NPAS3: variants seen among roughly 807,000 people sequenced by gnomAD.
The protein encoded by NPAS3 is neuronal PAS domain protein 3.
In NPAS3, 14 loss-of-function variants were observed where a neutral mutation model predicts 73.1. That is an observed-to-expected ratio of 0.19 (90% CI 0.13 to 0.30). The LOEUF (loss-of-function observed/expected upper bound fraction) is 0.30. Ranked by LOEUF, NPAS3 falls within the 10% of genes least tolerant of loss-of-function variation. The pLI is 1.00. For synonymous variants in NPAS3, 620 were observed against 541.5 expected (o/e 1.14, Z -2.01); for missense variants, 1,096 against 1,250.0 (o/e 0.88, Z 1.86).
intron 7 of NPAS3, among the ~76,000 whole-genome samples, chr14:33,750,890 T>C (rs1208473970): frequency 6.6e-6 from 1 of 152,230 alleles, no homozygotes; most frequent in African/African-American, 2.4e-5. Flanking sequence ...CAAATGATTC[T>C]GTCTGGTATA....
At chr14:33,726,336 G>A (rs2061263586) in intron 6 of NPAS3, among the ~76,000 whole-genome samples, 1 of 152,098 alleles carries the variant, frequency 6.6e-6, no homozygotes, top group African/African-American at 2.4e-5. Context: ...TACACTGAAG[G>A]CAAATCACTC....
chr14:33,066,284 C>T (rs1043157544), intron 2 of NPAS3, among the ~76,000 whole-genome samples: 5 of 152,028 alleles, frequency 3.3e-5, no homozygotes, highest in Admixed American at 6.6e-5. Flanking sequence ...AAACATCCAG[C>T]GGAGATGAGG....
At chr14:33,347,169 G>T (rs746220116) in intron 3 of NPAS3, among the ~76,000 whole-genome samples, 3 of 152,196 alleles carry the variant, frequency 2.0e-5, no homozygotes, top group Admixed American at 6.5e-5. Flanking sequence ...TGCTGCTTTT[G>T]TGAATTATTA....
intron 2 of NPAS3, among the ~76,000 whole-genome samples, chr14:33,195,231 TAAA>T (rs1052019627): frequency 6.9e-6 from 1 of 143,996 alleles, no homozygotes; most frequent in South Asian, 2.2e-4. Context: ...ACCCACTAGC[TAAA>T]AAAAAAAAAA....
At chr14:33,120,367 C>G (rs1185451093) in intron 2 of NPAS3, among the ~76,000 whole-genome samples, 1 of 152,090 alleles carries the variant, frequency 6.6e-6, no homozygotes, top group South Asian at 2.1e-4. Context: ...CCAACTTTTG[C>G]TTACAAGATG....
chr14:33,306,195 C>A (rs982633512), intron 3 of NPAS3, among the ~76,000 whole-genome samples: 1 of 135,068 alleles, frequency 7.4e-6, no homozygotes, highest in Admixed American at 7.5e-5. Context: ...TTGACAAAAA[C>A]TCCAGGTTAT....
At chr14:33,300,993 G>T (rs987184390) in intron 3 of NPAS3, among the ~76,000 whole-genome samples, 1 of 152,054 alleles carries the variant, frequency 6.6e-6, no homozygotes, top group Non-Finnish European at 1.5e-5. Context: ...GGAGAGAGGG[G>T]ATAGCAGGTG....
chr14:33,252,398 T>C (rs996172312), intron 3 of NPAS3, among the ~76,000 whole-genome samples: 1 of 152,006 alleles, frequency 6.6e-6, no homozygotes, highest in African/African-American at 2.4e-5. Context: ...TGTCTATTCA[T>C]ATGTGTGTCT....
chr14:33,065,093 AATTC>A (rs1167411745), intron 2 of NPAS3, among the ~76,000 whole-genome samples: 3 of 152,224 alleles, frequency 2.0e-5, no homozygotes, highest in African/African-American at 7.2e-5. Flanking sequence ...TTTGAATTTA[AATTC>A]AAGCGAGAAC....
At chr14:33,455,461 A>G (rs896760418) in intron 4 of NPAS3, among the ~76,000 whole-genome samples, 5 of 152,220 alleles carry the variant, frequency 3.3e-5, no homozygotes, top group African/African-American at 9.6e-5. Context: ...GGGCAGTTTC[A>G]TATCATTCCT....
intron 4 of NPAS3, among the ~76,000 whole-genome samples, chr14:33,519,727 T>G (rs2053473935): frequency 1.3e-5 from 2 of 152,160 alleles, no homozygotes; most frequent in African/African-American, 2.4e-5. Context: ...CACATCTTCC[T>G]CACAAATACA....
chr14:33,787,641 T>G (rs913643980), intron 9 of NPAS3, among the ~76,000 whole-genome samples: 5 of 151,242 alleles, frequency 3.3e-5, no homozygotes, highest in Admixed American at 6.6e-5. Context: ...TCTGGATGCC[T>G]GCTATTTAAG....
chr14:33,522,085 G>C (rs1044420658), intron 4 of NPAS3, among the ~76,000 whole-genome samples: 1 of 152,100 alleles, frequency 6.6e-6, no homozygotes, highest in Non-Finnish European at 1.5e-5. Context: ...TGGTTTAGAA[G>C]CCTTTAAAAA....
In NPAS3 at chr14:33,187,286, A is replaced by T. The variant is rs370543650; in HGVS notation, c.141-27896A>T. ...CCACAGCTGTATTGGCTTAGTTCTC[A>T]TCTTTGTCTGTACCTTGTTCTTCAT... On this transcript the variant is annotated intron_variant, in intron 2 of 11. Coordinates refer to ENST00000356141, the Ensembl canonical transcript of NPAS3. 2.0e-5 allele frequency among the ~76,000 whole-genome samples: 3 copies of T among 152,170 alleles called. No individual in the cohort carries two copies. In the East Asian group the frequency reaches 5.8e-4, roughly 29 times the overall value.
intron 1 of NPAS3, among the ~76,000 whole-genome samples, chr14:33,012,552 C>CT (rs35569383): frequency 0.028 from 3,981 of 141,908 alleles, 70 homozygotes; most frequent in Middle Eastern, 0.067. Flanking sequence ...AAAGTCATAT[C>CT]TTTTTTTTTT....
At chr14:33,772,914 TC>T (rs2062699031) in intron 7 of NPAS3, among the ~76,000 whole-genome samples, 1 of 152,056 alleles carries the variant, frequency 6.6e-6, no homozygotes, top group South Asian at 2.1e-4. Context: ...TAAATAATCC[TC>T]CTTATTGGTG....
At chr14:33,137,677 T>G (rs2043887609) in intron 2 of NPAS3, among the ~76,000 whole-genome samples, 1 of 152,174 alleles carries the variant, frequency 6.6e-6, no homozygotes, top group African/African-American at 2.4e-5. Flanking sequence ...AAGCCAGGAT[T>G]TATAATATTT....
chr14:33,573,498 A>G (rs1037971819), intron 5 of NPAS3, among the ~76,000 whole-genome samples: 2 of 152,182 alleles, frequency 1.3e-5, no homozygotes, highest in Non-Finnish European at 2.9e-5. Context: ...CTACCTGGAG[A>G]AGTTTGCAAA....
At chr14:33,756,997 GGT>G (rs2062135873) in intron 7 of NPAS3, among the ~76,000 whole-genome samples, 1 of 152,194 alleles carries the variant, frequency 6.6e-6, no homozygotes, top group Non-Finnish European at 1.5e-5. Context: ...TTCCACTGAT[GGT>G]GGGGCATGGG....
Sources: allele counts gnomAD v4.1 joint callset (sites outside exome capture counted in the v4.1 genomes callset), GRCh38; gene constraint gnomAD v4.1.1; transcripts MANE v1.5; gene names NCBI Gene and HGNC (gene_info 2026-07-23, HGNC 2026-07-21).